LHFPL6: variants seen among roughly 807,000 people sequenced by gnomAD.
LHFPL6 encodes the protein LHFPL tetraspan subfamily member 6 protein.
Under a neutral mutation model 20.6 loss-of-function variants are expected in LHFPL6, and 9 were observed. The observed-to-expected ratio is 0.44, with a 90% CI of 0.26 to 0.76. LHFPL6 has a LOEUF of 0.76. LHFPL6 is among the 30% of genes least tolerant of loss of function. The pLI is 0.20. For missense variants in LHFPL6, 218 were observed against 253.5 expected (o/e 0.86, Z 0.95); for synonymous variants, 105 against 98.7 (o/e 1.06, Z -0.38).
chr13:39,600,745 A>G, intron 2 of LHFPL6, 87 bp downstream of exon 2: 1 of 1,312,074 alleles, frequency 7.6e-7, no homozygotes, highest in Non-Finnish European at 1.0e-6. Context: ...GGTGTCATTT[A>G]TAATAATCTC....
intron 3 of LHFPL6, among the ~76,000 whole-genome samples, chr13:39,350,965 T>C (rs1488360733): frequency 6.6e-6 from 1 of 152,190 alleles, no homozygotes; most frequent in East Asian, 1.9e-4. Flanking sequence ...TCCAGTCTTA[T>C]TACATATAAC....
At chr13:39,481,066 C>T (rs1197705027) in intron 2 of LHFPL6, among the ~76,000 whole-genome samples, 3 of 151,978 alleles carry the variant, frequency 2.0e-5, no homozygotes, top group African/African-American at 4.8e-5. Flanking sequence ...TTGGTTTTCC[C>T]CCTTATTTTT....
At chr13:39,562,303 C>T (rs1871507251) in intron 2 of LHFPL6, among the ~76,000 whole-genome samples, 1 of 150,336 alleles carries the variant, frequency 6.7e-6, no homozygotes, top group African/African-American at 2.4e-5. Context: ...AATCCTCTTC[C>T]AGTGTGAGAA....
At chr13:39,515,747 G>C (rs546022305) in intron 2 of LHFPL6, among the ~76,000 whole-genome samples, 1 of 152,080 alleles carries the variant, frequency 6.6e-6, no homozygotes, top group South Asian at 2.1e-4. Context: ...AGATGTGTGC[G>C]TGATGATGAG....
chr13:39,469,119 G>A (rs748988710), intron 2 of LHFPL6, among the ~76,000 whole-genome samples: 91 of 152,178 alleles, frequency 6.0e-4, no homozygotes, highest in Non-Finnish European at 1.0e-3. Flanking sequence ...TCTCTTGCCA[G>A]TAGAGCTGCC....
rs547214977 is a variant in LHFPL6, at chr13:39,390,783, T to A, written c.386-12257A>T. 3.3e-5 allele frequency among the ~76,000 whole-genome samples: 5 copies of A among 152,164 alleles called. No homozygotes were observed. In the East Asian group the frequency reaches 7.8e-4, roughly 24 times the overall value. On this transcript the variant is annotated intron_variant, in intron 2 of 3. Transcript: ENST00000379589. ...GCCGAGACGGGCGGATTGCTTGAGG[T>A]CAGGAGTTCGAGACCAGTCTGGCCA...
intron 2 of LHFPL6, among the ~76,000 whole-genome samples, chr13:39,520,139 T>C (rs568290237): frequency 1.3e-5 from 2 of 152,284 alleles, no homozygotes; most frequent in South Asian, 4.1e-4. Context: ...CCTTTTGTCA[T>C]GTAAAAGGCT....
intron 2 of LHFPL6, among the ~76,000 whole-genome samples, chr13:39,431,466 A>G (rs1170520935): frequency 6.6e-5 from 10 of 152,182 alleles, no homozygotes; most frequent in African/African-American, 1.2e-4. Context: ...CTACAAACTC[A>G]TACTTCCAGC....
intron 2 of LHFPL6, among the ~76,000 whole-genome samples, chr13:39,479,026 G>A (rs1157421560): frequency 7.2e-6 from 1 of 138,756 alleles, no homozygotes; most frequent in Non-Finnish European, 1.6e-5. Flanking sequence ...GCACCAATGG[G>A]AGATAGATAT....
chr13:39,601,925 C>G (rs1872964457), intron 1 of LHFPL6, among the ~76,000 whole-genome samples: 1 of 152,128 alleles, frequency 6.6e-6, no homozygotes, highest in Non-Finnish European at 1.5e-5. Flanking sequence ...GCGGAGGCAC[C>G]CACAGTACAG....
At chr13:39,346,699 C>G (rs886606732) in intron 3 of LHFPL6, among the ~76,000 whole-genome samples, 4 of 152,150 alleles carry the variant, frequency 2.6e-5, no homozygotes, top group Admixed American at 2.6e-4. Context: ...TCATCACCAA[C>G]AGCAAAGTAG....
chr13:39,373,512 G>A (rs1385607985), intron 3 of LHFPL6, among the ~76,000 whole-genome samples: 3 of 152,196 alleles, frequency 2.0e-5, no homozygotes, highest in African/African-American at 7.2e-5. Flanking sequence ...CCTTCCCACT[G>A]CCACTCAACA....
At chr13:39,593,453 T>G (rs1391564293) in intron 2 of LHFPL6, among the ~76,000 whole-genome samples, 49 of 151,920 alleles carry the variant, frequency 3.2e-4, no homozygotes, top group Middle Eastern at 6.8e-3. Flanking sequence ...CACTGCTCAA[T>G]GAAATAAAAG....
chr13:39,574,339 A>C (rs1446884166), intron 2 of LHFPL6, among the ~76,000 whole-genome samples: 1 of 152,074 alleles, frequency 6.6e-6, no homozygotes, highest in African/African-American at 2.4e-5. Context: ...AAAATTAGCC[A>C]GATGTGGTGG....
intron 2 of LHFPL6, among the ~76,000 whole-genome samples, chr13:39,457,893 G>A (rs936413380): frequency 6.6e-6 from 1 of 152,100 alleles, no homozygotes; most frequent in Non-Finnish European, 1.5e-5. Context: ...CATAGAAAAT[G>A]GCCACAGAGT....
intron 2 of LHFPL6, among the ~76,000 whole-genome samples, chr13:39,420,958 G>GT (rs1049265288): frequency 1.3e-5 from 2 of 152,158 alleles, no homozygotes; most frequent in South Asian, 2.1e-4. Context: ...CTGAATCTGT[G>GT]TTTTTCCCCC....
chr13:39,556,109 G>C (rs538883165), intron 2 of LHFPL6, among the ~76,000 whole-genome samples: 48 of 152,268 alleles, frequency 3.2e-4, no homozygotes, highest in African/African-American at 1.1e-3. Context: ...AGATGTCAGC[G>C]CCATGTTTCC....
intron 2 of LHFPL6, among the ~76,000 whole-genome samples, chr13:39,431,723 G>T (rs1871812528): frequency 1.4e-5 from 2 of 147,176 alleles, no homozygotes; most frequent in East Asian, 2.1e-4. Flanking sequence ...TTTGTGGGGG[G>T]GGGGGGCTTC....
In LHFPL6 at chr13:39,422,360, G is replaced by A. The variant is rs189184974; in HGVS notation, c.386-43834C>T. ...ACGCCTGTAATCCCAGCACTTTGGC[G>A]GATCATCTGATGTCAGGAGTTTGAG... is the stretch of plus-strand genomic sequence containing the variant. On this transcript the variant is annotated intron_variant, in intron 2 of 3. Transcript: ENST00000379589. 5.9e-5 allele frequency among the ~76,000 whole-genome samples: 9 copies of A among 152,154 alleles called. No homozygotes were observed. In the East Asian group the frequency reaches 1.2e-3, roughly 20 times the overall value.
Sources: gnomAD v4.1 joint callset for allele counts (sites outside exome capture counted in the v4.1 genomes callset) on GRCh38, gnomAD v4.1.1 for gene constraint, MANE v1.5 for transcripts, NCBI Gene and HGNC (gene_info 2026-07-23, HGNC 2026-07-21) for gene names.